Variants in LRRC4C observed in about 807,000 individuals in gnomAD.
LRRC4C encodes leucine-rich repeat-containing protein 4C.
Under a neutral mutation model 33.6 loss-of-function variants are expected in LRRC4C, and 5 were observed. The observed-to-expected ratio is 0.15, with a 90% CI of 0.08 to 0.31. The LOEUF is 0.31. Among genes scored for constraint, LRRC4C ranks in the 10% least tolerant of loss-of-function variants. LRRC4C has a pLI of 1.00. For synonymous variants in LRRC4C, 329 were observed against 302.0 expected (o/e 1.09, Z -0.93); for missense variants, 560 against 796.7 (o/e 0.70, Z 3.58).
chr11:40,716,959 A>G (rs1946756907), intron 2 of LRRC4C, among the ~76,000 whole-genome samples: 1 of 152,182 alleles, frequency 6.6e-6, no homozygotes, highest in African/African-American at 2.4e-5. Context: ...GGTTGCTGCC[A>G]ATCATACTGA....
intron 1 of LRRC4C, among the ~76,000 whole-genome samples, chr11:40,936,911 G>T (rs149019809): frequency 2.6e-4 from 39 of 152,212 alleles, no homozygotes; most frequent in African/African-American, 8.9e-4. Flanking sequence ...ATACAGCAGC[G>T]TTCCAAGAAG....
intron 3 of LRRC4C, among the ~76,000 whole-genome samples, chr11:40,441,480 C>A (rs1436391012): frequency 6.6e-6 from 1 of 152,148 alleles, no homozygotes; most frequent in Admixed American, 6.5e-5. Flanking sequence ...TGATACAATG[C>A]ATTCTTTATT....
chr11:40,825,355 C>A (rs1189631013), intron 2 of LRRC4C, among the ~76,000 whole-genome samples: 1 of 151,838 alleles, frequency 6.6e-6, no homozygotes, highest in Non-Finnish European at 1.5e-5. Flanking sequence ...AAGGAGACTG[C>A]CCATTCTCGG....
intron 1 of LRRC4C, among the ~76,000 whole-genome samples, chr11:41,191,932 G>T (rs1172949872): frequency 1.3e-5 from 2 of 152,202 alleles, no homozygotes; most frequent in East Asian, 1.9e-4. Context: ...TAATTTCGGT[G>T]CCAAAGGAAG....
chr11:41,206,945 A>T (rs1377973906), intron 1 of LRRC4C, among the ~76,000 whole-genome samples: 1 of 152,196 alleles, frequency 6.6e-6, no homozygotes, highest in Non-Finnish European at 1.5e-5. Context: ...TACCTACATT[A>T]TAAGTATATA....
intron 3 of LRRC4C, among the ~76,000 whole-genome samples, chr11:40,381,278 G>A (rs191054320): frequency 1.0e-3 from 152 of 151,608 alleles, no homozygotes; most frequent in Non-Finnish European, 1.4e-3. Context: ...GCAACGGTGG[G>A]GTCAATCTGA....
chr11:41,240,726 C>T (rs1316547375), intron 1 of LRRC4C, among the ~76,000 whole-genome samples: 1 of 152,100 alleles, frequency 6.6e-6, no homozygotes, highest in Non-Finnish European at 1.5e-5. Context: ...TAGCATTCTG[C>T]TTTCATTGGA....
chr11:41,080,828 G>GTTAT (rs1939521227), intron 1 of LRRC4C, among the ~76,000 whole-genome samples: 2 of 152,066 alleles, frequency 1.3e-5, no homozygotes, highest in Admixed American at 6.5e-5. Context: ...ATTCTTGCCT[G>GTTAT]TTATTTATTT....
intron 3 of LRRC4C, among the ~76,000 whole-genome samples, chr11:40,421,803 G>A (rs1232848901): frequency 3.3e-5 from 5 of 152,156 alleles, no homozygotes; most frequent in Admixed American, 6.5e-5. Flanking sequence ...CATAAAAACC[G>A]ACACTGAGAT....
chr11:40,937,165 C>T (rs1023495697), intron 1 of LRRC4C, among the ~76,000 whole-genome samples: 1 of 152,154 alleles, frequency 6.6e-6, no homozygotes, highest in Non-Finnish European at 1.5e-5. Flanking sequence ...TCCTTTGCAG[C>T]AGCATGGATG....
intron 1 of LRRC4C, among the ~76,000 whole-genome samples, chr11:41,003,651 T>G (rs904112943): frequency 4.6e-5 from 7 of 151,930 alleles, no homozygotes; most frequent in African/African-American, 1.2e-4. Context: ...GAAAAATATT[T>G]ATACATTTTT....
At chr11:40,980,500 C>A (rs1399655658) in intron 1 of LRRC4C, among the ~76,000 whole-genome samples, 4 of 152,112 alleles carry the variant, frequency 2.6e-5, no homozygotes, top group Non-Finnish European at 5.9e-5. Context: ...GCACTATACA[C>A]CGTCCGTCCA....
intron 2 of LRRC4C, among the ~76,000 whole-genome samples, chr11:40,696,342 T>G (rs1052156679): frequency 1.4e-5 from 2 of 144,582 alleles, no homozygotes; most frequent in East Asian, 2.0e-4. Flanking sequence ...ATATATATGG[T>G]GTATATATAT....
chr11:40,927,268 G>A (rs2136424849), intron 2 of LRRC4C, among the ~76,000 whole-genome samples: 1 of 152,000 alleles, frequency 6.6e-6, no homozygotes, highest in Non-Finnish European at 1.5e-5. Context: ...CAGCTACTCA[G>A]GAGGCTGAAG....
intron 2 of LRRC4C, among the ~76,000 whole-genome samples, chr11:40,661,519 A>G (rs1434969921): frequency 1.3e-5 from 2 of 152,224 alleles, no homozygotes; most frequent in Admixed American, 6.5e-5. Flanking sequence ...ATCAAGTCAT[A>G]CTCAGTTTAA....
chr11:40,679,781 G>A (rs985494394), intron 2 of LRRC4C, among the ~76,000 whole-genome samples: 1 of 152,206 alleles, frequency 6.6e-6, no homozygotes, highest in Non-Finnish European at 1.5e-5. Context: ...CAGGGGCAGG[G>A]ATCTCATAGA....
chr11:40,277,721 C>T (rs1943213433), intron 4 of LRRC4C, among the ~76,000 whole-genome samples: 1 of 151,990 alleles, frequency 6.6e-6, no homozygotes, highest in South Asian at 2.1e-4. Flanking sequence ...TTGAGCTTCC[C>T]TTTCTCACCT....
At chr11:41,094,277 G>A (rs1940651754) in intron 1 of LRRC4C, among the ~76,000 whole-genome samples, 2 of 151,906 alleles carry the variant, frequency 1.3e-5, no homozygotes, top group Admixed American at 6.6e-5. Flanking sequence ...GGCCTTTAAA[G>A]AGCACCTACT....
intron 4 of LRRC4C, among the ~76,000 whole-genome samples, chr11:40,260,832 T>G (rs1369003013): frequency 6.6e-6 from 1 of 152,158 alleles, no homozygotes; most frequent in Non-Finnish European, 1.5e-5. Flanking sequence ...CTAGAAGAAA[T>G]GCAAAATGCA....
Sources: allele counts gnomAD v4.1 joint callset (sites outside exome capture counted in the v4.1 genomes callset), GRCh38; gene constraint gnomAD v4.1.1; transcripts MANE v1.5; gene names NCBI Gene and HGNC (gene_info 2026-07-23, HGNC 2026-07-21).